The following WWOX variants were observed in gnomAD, a reference collection of about 807,000 sequenced individuals.
The protein encoded by WWOX is WW domain-containing oxidoreductase.
WWOX carries 69 observed loss-of-function variants against 46.2 expected under a neutral mutation model. The observed-to-expected ratio is 1.49, with a 90% CI of 1.23 to 1.82. The LOEUF (loss-of-function observed/expected upper bound fraction) is 1.82, where lower values mean the gene tolerates loss of function less well. Among genes scored for constraint, WWOX ranks in the 40% most tolerant of loss-of-function variants. The pLI is 0.00. For missense variants in WWOX, 919 were observed against 542.6 expected (o/e 1.69, Z -6.89); for synonymous variants, 359 against 202.6 (o/e 1.77, Z -6.56).
Position 78,340,497 on chromosome 16 carries a change from C to T in WWOX, c.517-46363C>T, listed in dbSNP as rs895656667. ...GTGCTAGGATTACAGGCATGAACCACCACACCTAGCCTCTTGATAAAGTCT... is the reference window on the plus strand; with the variant it reads ...GTGCTAGGATTACAGGCATGAACCATCACACCTAGCCTCTTGATAAAGTCT... On this transcript the variant is annotated intron_variant, in intron 5 of 8. Coordinates refer to ENST00000566780, the MANE Select transcript of WWOX (RefSeq NM_016373.4). Among the ~76,000 whole-genome samples, 3 of 120,968 alleles carry T rather than the reference C, an allele frequency of 2.5e-5. 1 individual carries two copies. The highest frequency in any genetic ancestry group is 4.0e-5 in the Non-Finnish European group (2 of 50,606). 79.4% of individuals were successfully genotyped at this position (120,968 alleles called of 152,430 possible).
intron 5 of WWOX, among the ~76,000 whole-genome samples, chr16:78,374,004 C>G (rs866339958): frequency 5.3e-5 from 8 of 152,202 alleles, no homozygotes; most frequent in African/African-American, 1.9e-4. Context: ...CCAGGCTGGT[C>G]TTGAACTCCT....
At chr16:78,599,587 C>G (rs978856597) in intron 8 of WWOX, among the ~76,000 whole-genome samples, 1 of 152,188 alleles carries the variant, frequency 6.6e-6, no homozygotes, top group African/African-American at 2.4e-5. Context: ...CTTAATTGTT[C>G]CTGACACAGT....
intron 8 of WWOX, among the ~76,000 whole-genome samples, chr16:79,148,828 CT>C (rs796249845): frequency 2.9e-5 from 4 of 140,102 alleles, no homozygotes; most frequent in African/African-American, 1.3e-4. Context: ...CTACATATAT[CT>C]AGAAATATGA....
rs1023736837 is a variant in WWOX at position 78,338,872 on chromosome 16, T to G, written c.517-47988T>G. On this transcript the variant is annotated intron_variant, in intron 5 of 8. Transcript: ENST00000566780. Reference sequence around the variant, plus strand: ...TACAGAGTTTAAAGTTAGTCAGGTATGTCTATTAAATTTTTACGTAAAAAG... The same window carrying G: ...TACAGAGTTTAAAGTTAGTCAGGTAGGTCTATTAAATTTTTACGTAAAAAG... Among the ~76,000 whole-genome samples, 4 of 121,302 alleles carry G rather than the reference T, an allele frequency of 3.3e-5. 1 individual carries two copies. The highest frequency in any genetic ancestry group is 5.6e-5 in the African/African-American group (2 of 35,996). 79.6% of individuals were successfully genotyped at this position (121,302 alleles called of 152,430 possible). A position where few individuals can be genotyped will look rare whatever the true frequency, so the allele number is the denominator to read the frequency against.
chr16:78,362,647 A>G (rs567508338), intron 5 of WWOX, among the ~76,000 whole-genome samples: 2 of 152,188 alleles, frequency 1.3e-5, no homozygotes, highest in Middle Eastern at 3.4e-3. Flanking sequence ...AGGAAAAAAA[A>G]TCCTGGTGCT....
At chr16:78,243,120 A>G (rs1435657451) in intron 5 of WWOX, among the ~76,000 whole-genome samples, 9 of 152,078 alleles carry the variant, frequency 5.9e-5, no homozygotes, top group Non-Finnish European at 1.2e-4. Flanking sequence ...GCTCTCTTGC[A>G]TTTTAAAGTT....
intron 8 of WWOX, among the ~76,000 whole-genome samples, chr16:78,774,815 A>T (rs1167294278): frequency 2.0e-5 from 3 of 152,072 alleles, no homozygotes; most frequent in Admixed American, 6.6e-5. Context: ...CTCCCAGGAG[A>T]TCTTGTGCTT....
In WWOX at chr16:78,320,172, C is replaced by T. The variant is rs187931827; in HGVS notation, c.517-66688C>T. ...ACGTGACTGTATACAGAGTCTGAGCCGAGAAAACCTTCCTTGCATGTACGA... is the reference window on the plus strand; with the variant it reads ...ACGTGACTGTATACAGAGTCTGAGCTGAGAAAACCTTCCTTGCATGTACGA... On this transcript the variant is annotated intron_variant, in intron 5 of 8. Transcript: ENST00000566780. 6.4e-4 allele frequency among the ~76,000 whole-genome samples: 98 copies of T among 152,208 alleles called. 1 individual carries two copies. The highest frequency in any genetic ancestry group is 2.7e-3 in the South Asian group (13 of 4,826).
At chr16:78,764,714 T>A (rs972902656) in intron 8 of WWOX, among the ~76,000 whole-genome samples, 2 of 150,934 alleles carry the variant, frequency 1.3e-5, no homozygotes, top group African/African-American at 4.9e-5. Flanking sequence ...TGGGTGCAAT[T>A]CTAGTACCTC....
chr16:78,914,729 A>T (rs1304343817), intron 8 of WWOX, among the ~76,000 whole-genome samples: 1 of 150,240 alleles, frequency 6.7e-6, no homozygotes, highest in East Asian at 1.9e-4. Flanking sequence ...AATACAAAAA[A>T]TTAACTGGGC....
At chr16:78,780,723 A>G (rs765257616) in intron 8 of WWOX, among the ~76,000 whole-genome samples, 9 of 152,174 alleles carry the variant, frequency 5.9e-5, no homozygotes, top group Non-Finnish European at 1.2e-4. Context: ...AGGGTCCCTG[A>G]GGCAGAAAGG....
At chr16:78,313,935 C>A (rs534871500) in intron 5 of WWOX, among the ~76,000 whole-genome samples, 1 of 152,204 alleles carries the variant, frequency 6.6e-6, no homozygotes, top group African/African-American at 2.4e-5. Flanking sequence ...TGACACTTCC[C>A]TTATATCCGT....
intron 8 of WWOX, among the ~76,000 whole-genome samples, chr16:79,014,184 C>T (rs1234527515): frequency 6.6e-6 from 1 of 152,140 alleles, no homozygotes; most frequent in Admixed American, 6.5e-5. Flanking sequence ...TGGATTTTGT[C>T]AAGTTTGAAA....
chr16:78,843,925 C>T (rs530855409), intron 8 of WWOX, among the ~76,000 whole-genome samples: 1 of 152,224 alleles, frequency 6.6e-6, no homozygotes, highest in South Asian at 2.1e-4. Context: ...TTCCTAATGG[C>T]AGAGCAACAC....
intron 8 of WWOX, among the ~76,000 whole-genome samples, chr16:79,025,596 C>A (rs940888101): frequency 6.6e-6 from 1 of 152,016 alleles, no homozygotes; most frequent in East Asian, 1.9e-4. Context: ...TCCTCAGAGC[C>A]CCCAGAAGGA....
At chr16:78,468,326 C>G (rs1473767535) in intron 8 of WWOX, among the ~76,000 whole-genome samples, 1 of 151,530 alleles carries the variant, frequency 6.6e-6, no homozygotes, top group Non-Finnish European at 1.5e-5. Flanking sequence ...ACTGTGAGGC[C>G]CCACCTGTGC....
chr16:78,586,103 T>C (rs1482473693), intron 8 of WWOX, among the ~76,000 whole-genome samples: 1 of 152,062 alleles, frequency 6.6e-6, no homozygotes, highest in Non-Finnish European at 1.5e-5. Flanking sequence ...ATACCTGTAA[T>C]CCCAACACTT....
At chr16:79,059,147 G>A (rs75143476) in intron 8 of WWOX, among the ~76,000 whole-genome samples, 191 of 152,312 alleles carry the variant, frequency 1.3e-3, no homozygotes, top group African/African-American at 4.4e-3. Context: ...GTCATAAACA[G>A]GTGGGAGAAT....
At position 78,949,042 on chromosome 16, in the gene WWOX, C is replaced by G. The variant is rs550879073; in HGVS notation, c.1057-262566C>G. ...GGCCCTCAGAAGCTAAGAACTAGCT[C>G]TTTCTGACAGCCAGAAGGAAATAGG... On this transcript the variant is annotated intron_variant, in intron 8 of 8. Transcript: ENST00000566780. 9.2e-5 allele frequency among the ~76,000 whole-genome samples: 14 copies of G among 152,248 alleles called. No individual in the cohort carries two copies. In the South Asian group the frequency reaches 1.4e-3, roughly 16 times the overall value.
Sources: gnomAD v4.1 joint callset for allele counts (sites outside exome capture counted in the v4.1 genomes callset) on GRCh38, gnomAD v4.1.1 for gene constraint, MANE v1.5 for transcripts, NCBI Gene and HGNC (gene_info 2026-07-23, HGNC 2026-07-21) for gene names.